The following PCDH9 variants were observed in gnomAD, a reference collection of about 807,000 sequenced individuals.
The protein encoded by PCDH9 is protocadherin 9.
Under a neutral mutation model 70.6 loss-of-function variants are expected in PCDH9, and 24 were observed. The observed-to-expected ratio is 0.34, with a 90% CI of 0.25 to 0.48. The LOEUF is 0.48. Among genes scored for constraint, PCDH9 ranks in the 20% least tolerant of loss-of-function variants. The pLI, the probability that PCDH9 is intolerant of heterozygous loss-of-function variation, is 0.99. For synonymous variants in PCDH9, 562 were observed against 558.5 expected, an observed-to-expected ratio of 1.01 and a Z score of -0.09; for missense variants, 1,281 against 1,503.6, an observed-to-expected ratio of 0.85 and a Z score of 2.45.
intron 2 of PCDH9, among the ~76,000 whole-genome samples, chr13:67,179,173 T>A (rs1023471543): frequency 6.6e-6 from 1 of 152,056 alleles, no homozygotes; most frequent in Admixed American, 6.6e-5. Flanking sequence ...CCACTCGGAA[T>A]TAGTAAAATT....
At chr13:66,854,234 T>G (rs1276675373) in intron 3 of PCDH9, among the ~76,000 whole-genome samples, 1 of 152,200 alleles carries the variant, frequency 6.6e-6, no homozygotes, top group Non-Finnish European at 1.5e-5. Context: ...TTTATTTCTT[T>G]AAGCCTTTAC....
chr13:66,368,309 A>G (rs997296534), intron 4 of PCDH9, among the ~76,000 whole-genome samples: 1 of 152,076 alleles, frequency 6.6e-6, no homozygotes, highest in Non-Finnish European at 1.5e-5. Context: ...AATGTGTTTC[A>G]GAATTTTAAA....
chr13:66,838,800 T>C (rs898744291), intron 3 of PCDH9, among the ~76,000 whole-genome samples: 3 of 152,118 alleles, frequency 2.0e-5, no homozygotes, highest in African/African-American at 7.2e-5. Context: ...GAGCAACTCA[T>C]TTCTCTCTTC....
Position 66,940,555 on chromosome 13 carries a change from A to G in PCDH9, c.3037-36950T>C, listed in dbSNP as rs149262148. On this transcript the variant is annotated intron_variant, in intron 2 of 4. Coordinates refer to ENST00000377865, the MANE Select transcript of PCDH9 (RefSeq NM_203487.3). The stretch of plus-strand genomic sequence containing the variant: ...TTATTCAAATGAATTTGTGTAATCT[A>G]TATCTCATGTTTAACTTTTGAATAA... Among the ~76,000 whole-genome samples, 254 of 152,294 alleles carry G rather than the reference A, an allele frequency of 1.7e-3. 3 individuals are homozygous for G. Among genetic ancestry groups the G allele is most frequent in the African/African-American group, 5.7e-3 (236 of 41,580 alleles).
intron 2 of PCDH9, among the ~76,000 whole-genome samples, chr13:67,070,379 G>A (rs1268251601): frequency 6.6e-6 from 1 of 152,086 alleles, no homozygotes. Flanking sequence ...CAGCTATTAA[G>A]AGGTTTCTGA....
chr13:66,644,505 G>T (rs1593829476), intron 3 of PCDH9, among the ~76,000 whole-genome samples: 1 of 151,794 alleles, frequency 6.6e-6, no homozygotes, highest in Non-Finnish European at 1.5e-5. Context: ...CAGACTTCGG[G>T]CAATTTTCAA....
chr13:67,200,900 T>C (rs1287061998), intron 2 of PCDH9: 1 of 151,962 alleles, frequency 6.6e-6, no homozygotes, highest in Non-Finnish European at 1.5e-5. Context: ...CCAAACCACA[T>C]GTTTTCACTC....
chr13:66,588,628 A>T (rs2076996520), intron 4 of PCDH9, among the ~76,000 whole-genome samples: 1 of 151,936 alleles, frequency 6.6e-6, no homozygotes, highest in South Asian at 2.1e-4. Flanking sequence ...TTTTCCCTAC[A>T]ATCTATTATA....
chr13:66,450,668 C>T (rs961318324), intron 4 of PCDH9, among the ~76,000 whole-genome samples: 8 of 152,184 alleles, frequency 5.3e-5, no homozygotes, highest in East Asian at 1.9e-4. Flanking sequence ...TAATCTACAT[C>T]TTAGGTAATT....
chr13:66,473,514 C>T (rs1365071301), intron 4 of PCDH9, among the ~76,000 whole-genome samples: 1 of 151,828 alleles, frequency 6.6e-6, no homozygotes, highest in East Asian at 1.9e-4. Context: ...ATATGTATAT[C>T]TCTATTAAAA....
At chr13:67,137,669 A>G (rs186423829) in intron 2 of PCDH9, among the ~76,000 whole-genome samples, 31 of 152,192 alleles carry the variant, frequency 2.0e-4, no homozygotes, top group Admixed American at 4.6e-4. Context: ...AGGTAGTGCT[A>G]TTGTTACAGA....
chr13:66,928,493 G>A (rs913269984), intron 2 of PCDH9, among the ~76,000 whole-genome samples: 1 of 152,128 alleles, frequency 6.6e-6, no homozygotes, highest in African/African-American at 2.4e-5. Flanking sequence ...CATTGCTATA[G>A]TCTGAAGGTT....
At chr13:66,707,968 T>C (rs9564334) in intron 3 of PCDH9, among the ~76,000 whole-genome samples, 19,181 of 152,264 alleles carry the variant, frequency 0.13, 1,341 homozygotes, top group African/African-American at 0.17. Flanking sequence ...GATTTCTCTT[T>C]ACCTTTTTTA....
At chr13:66,768,371 C>A (rs1391067271) in intron 3 of PCDH9, among the ~76,000 whole-genome samples, 1 of 151,922 alleles carries the variant, frequency 6.6e-6, no homozygotes, top group Admixed American at 6.6e-5. Flanking sequence ...TTGAGGTAAT[C>A]CAGTTCTCAT....
intron 2 of PCDH9, among the ~76,000 whole-genome samples, chr13:67,124,274 A>G (rs2086933065): frequency 6.6e-6 from 1 of 152,190 alleles, no homozygotes; most frequent in South Asian, 2.1e-4. Context: ...AAATAAATAA[A>G]AAGATGAAAA....
intron 3 of PCDH9, among the ~76,000 whole-genome samples, chr13:66,769,810 T>A (rs1398954438): frequency 6.6e-6 from 1 of 152,164 alleles, no homozygotes; most frequent in South Asian, 2.1e-4. Context: ...AAATCTCATA[T>A]TTTTACAGTT....
chr13:66,653,164 G>C (rs1019810223), intron 3 of PCDH9, among the ~76,000 whole-genome samples: 1 of 152,074 alleles, frequency 6.6e-6, no homozygotes, highest in Non-Finnish European at 1.5e-5. Context: ...AAGTTAAAAA[G>C]CTTCTTCACA....
chr13:66,747,104 C>T (rs764210472), intron 3 of PCDH9, among the ~76,000 whole-genome samples: 5 of 152,226 alleles, frequency 3.3e-5, no homozygotes, highest in Non-Finnish European at 5.9e-5. Context: ...GTAATCCCAG[C>T]GCCTTGGGAG....
At chr13:66,848,267 A>T (rs946825584) in intron 3 of PCDH9, among the ~76,000 whole-genome samples, 1 of 152,362 alleles carries the variant, frequency 6.6e-6, no homozygotes, top group Admixed American at 6.5e-5. Flanking sequence ...TTTACAATTT[A>T]GAAATAACTA....
Sources: allele counts gnomAD v4.1 joint callset (sites outside exome capture counted in the v4.1 genomes callset), GRCh38; gene constraint gnomAD v4.1.1; transcripts MANE v1.5; gene names NCBI Gene and HGNC (gene_info 2026-07-23, HGNC 2026-07-21).